The following QRICH1 variants were observed in gnomAD, a reference collection of about 807,000 sequenced individuals.
QRICH1 encodes the protein transcriptional regulator QRICH1.
Under a neutral mutation model 87.1 loss-of-function variants are expected in QRICH1, and 16 were observed. That is an observed-to-expected ratio of 0.18 (90% CI 0.12 to 0.28). QRICH1 has a LOEUF of 0.28. QRICH1 is among the 10% of genes least tolerant of loss of function. The pLI, the probability that QRICH1 is intolerant of heterozygous loss-of-function variation, is 1.00. For missense variants in QRICH1, 647 were observed against 951.7 expected, an observed-to-expected ratio of 0.68 and a Z score of 4.21; for synonymous variants, 367 against 368.4, an observed-to-expected ratio of 1.00 and a Z score of 0.05.
At chr3:49,093,728 A>C in intron 1 of QRICH1, 184 bp downstream of exon 1, 7 of 257,874 alleles carry the variant, frequency 2.7e-5, no homozygotes, top group Non-Finnish European at 4.4e-5. Flanking sequence ...TCCCCGGGCC[A>C]CCCCTCCCCC....
At chr3:49,041,989 TGTCGGACTCCTG>T (rs569453847) in intron 6 of QRICH1, among the ~76,000 whole-genome samples, 30 of 151,294 alleles carry the variant, frequency 2.0e-4, no homozygotes, top group African/African-American at 6.5e-4. Flanking sequence ...GCCAGGCTGG[TGTCGGACTCCTG>T]GTCTCAAGTG....
chr3:49,038,308 G>A (rs1219976437), intron 6 of QRICH1, among the ~76,000 whole-genome samples: 1 of 151,804 alleles, frequency 6.6e-6, no homozygotes, highest in Non-Finnish European at 1.5e-5. Context: ...TGATCCACCC[G>A]CTTCGGCCTC....
intron 2 of QRICH1, among the ~76,000 whole-genome samples, chr3:49,073,710 G>A (rs568859157): frequency 4.8e-4 from 73 of 151,382 alleles, no homozygotes; most frequent in African/African-American, 1.7e-3. Flanking sequence ...GCAGTGGCAC[G>A]ATCTCAGCTC....
chr3:49,064,544 C>G (rs997344197), intron 2 of QRICH1, among the ~76,000 whole-genome samples: 4 of 151,834 alleles, frequency 2.6e-5, no homozygotes, highest in African/African-American at 9.7e-5. Flanking sequence ...TGAGCCACCA[C>G]GCCTGGCCCA....
chr3:49,065,578 G>A (rs977826092), intron 2 of QRICH1, among the ~76,000 whole-genome samples: 1 of 152,296 alleles, frequency 6.6e-6, no homozygotes, highest in African/African-American at 2.4e-5. Context: ...ATGGTCAGGA[G>A]AGAATGAAAG....
At chr3:49,035,216 G>A (rs563688557) in intron 6 of QRICH1, among the ~76,000 whole-genome samples, 29 of 152,190 alleles carry the variant, frequency 1.9e-4, no homozygotes, top group African/African-American at 6.3e-4. Flanking sequence ...GATCACAGGT[G>A]TGCACCATCA....
At chr3:49,069,856 G>A (rs2093490758) in intron 2 of QRICH1, among the ~76,000 whole-genome samples, 3 of 151,982 alleles carry the variant, frequency 2.0e-5, no homozygotes, top group Admixed American at 6.6e-5. Flanking sequence ...AAGGTAATGT[G>A]AGCTGTAAGT....
Position 49,030,493 on chromosome 3 carries a change from G to T in QRICH1, c.2290C>A (p.Gln764Lys), listed in dbSNP as rs1010884524. The change falls in exon 10 of 10, where the codon CAG becomes AAG. Residue 764 changes from glutamine (Q) to lysine (K), a missense_variant. Around this residue, in one of 7 missense-constraint regions of QRICH1, gnomAD observed 56 missense variants for 79.4 expected, o/e 0.71. Coordinates refer to ENST00000395443, the MANE Select transcript of QRICH1 (RefSeq NM_198880.3). ...GCATTGGCCACTGCGATGGCCTCCT[G>T]AATTTCTCTTATCACCAGGATCCGC... ...LTRILVIREI[Q>K]EAIAVANAST... is the part of the protein sequence containing the mutation. 1.2e-6 allele frequency: 2 copies of T among 1,613,918 alleles called. No individual in the cohort carries two copies. The highest frequency in any genetic ancestry group is 1.7e-6 in the Non-Finnish European group (2 of 1,180,022).
In QRICH1 at chr3:49,031,785, G is replaced by T. The variant is rs571273551; in HGVS notation, c.2138+398C>A. 3.9e-5 allele frequency among the ~76,000 whole-genome samples: 6 copies of T among 152,300 alleles called. No homozygotes were observed. The South Asian group carries it at 1.0e-3, about 26-fold the overall frequency. On this transcript the variant is annotated intron_variant, in intron 9 of 9. Transcript: ENST00000395443. ...ATCAAAGGAGTTGTCTGCCATAAAA[G>T]AATTACTATGTAATGAGAAACCATT... is the stretch of plus-strand genomic sequence containing the variant.
At chr3:49,072,850 T>C (rs1328994616) in intron 2 of QRICH1, among the ~76,000 whole-genome samples, 1 of 152,044 alleles carries the variant, frequency 6.6e-6, no homozygotes. Flanking sequence ...AACACCAGCC[T>C]GAGCAACATG....
At chr3:49,053,688 C>T (rs1475777307) in intron 3 of QRICH1, among the ~76,000 whole-genome samples, 2 of 151,976 alleles carry the variant, frequency 1.3e-5, no homozygotes, top group East Asian at 3.9e-4. Context: ...CTTTAGAGTT[C>T]TGGCAATAAA....
chr3:49,079,045 C>T (rs975324853), intron 1 of QRICH1, among the ~76,000 whole-genome samples: 1 of 151,820 alleles, frequency 6.6e-6, no homozygotes, highest in Non-Finnish European at 1.5e-5. Context: ...TCAGCCCAGG[C>T]AACATGGAGA....
chr3:49,040,463 A>C (rs555338935), intron 6 of QRICH1, among the ~76,000 whole-genome samples: 1 of 152,360 alleles, frequency 6.6e-6, no homozygotes, highest in South Asian at 2.1e-4. Flanking sequence ...GAGGGGAAAA[A>C]AAAAGACAAA....
In QRICH1 at chr3:49,058,157, A is replaced by T. The variant is rs553489607; in HGVS notation, c.310-267T>A. On this transcript the variant is annotated intron_variant, in intron 2 of 9. Transcript: ENST00000395443. ...TAAAAAGGAAATACCAAAAAAAAAA[A>T]TTTTTTTTTTTTAAGATGGACTCGC... 2.9e-3 allele frequency: 1,092 copies of T among 370,592 alleles called. 1 individual carries two copies. The highest frequency in any genetic ancestry group is 5.9e-3 in the East Asian group (95 of 16,116). The allele number at this position is 370,592 out of a possible 1,614,324, so 23.0% of individuals were successfully genotyped here.
At chr3:49,031,512 C>T (rs1393033662) in intron 9 of QRICH1, among the ~76,000 whole-genome samples, 1 of 152,050 alleles carries the variant, frequency 6.6e-6, no homozygotes, top group Non-Finnish European at 1.5e-5. Context: ...GTATTTCCTA[C>T]CCATGGAGCT....
chr3:49,031,757 T>C (rs1245317474), intron 9 of QRICH1, among the ~76,000 whole-genome samples: 1 of 151,458 alleles, frequency 6.6e-6, no homozygotes, highest in Non-Finnish European at 1.5e-5. Flanking sequence ...CAAGGGGGAG[T>C]GCATCAAAGG....
chr3:49,029,810 A>C lies in QRICH1; in HGVS notation c.*642T>G, dbSNP rs2106798163. 5.5e-6 allele frequency: 1 copy of C among 183,226 alleles called. No homozygotes were observed. Among genetic ancestry groups the C allele is most frequent in the African/African-American group, 2.4e-5 (1 of 42,206 alleles). The allele number at this position is 183,226 out of a possible 1,614,324, so 11.4% of individuals were successfully genotyped here. The stretch of plus-strand genomic sequence containing the variant: ...ATGATACACAAGTGTATGTTACAAG[A>C]ATTCCATCAGGCACAGGAGCCTCAG... On this transcript the variant is annotated 3_prime_UTR_variant, in exon 10 of 10. Coordinates refer to ENST00000395443, the MANE Select transcript of QRICH1 (RefSeq NM_198880.3).
At chr3:49,046,708 T>A in intron 4 of QRICH1, 129 bp from the exon 5 acceptor site, 3 of 1,047,814 alleles carry the variant, frequency 2.9e-6, no homozygotes, top group Non-Finnish European at 4.1e-6. Flanking sequence ...GTTTCATGCC[T>A]GTAATGTCAG....
At chr3:49,091,595 G>A (rs1360959687) in intron 1 of QRICH1, among the ~76,000 whole-genome samples, 1 of 152,202 alleles carries the variant, frequency 6.6e-6, no homozygotes, top group Non-Finnish European at 1.5e-5. Flanking sequence ...ATGTGGAACT[G>A]CAGAGGTTCT....
Sources: allele counts gnomAD v4.1 joint callset (sites outside exome capture counted in the v4.1 genomes callset), GRCh38; gene constraint gnomAD v4.1.1; regional missense constraint gnomAD v4.1.1; transcripts MANE v1.5; gene names NCBI Gene and HGNC (gene_info 2026-07-23, HGNC 2026-07-21).